TRMT2B: variants seen among roughly 807,000 people sequenced by gnomAD.
TRMT2B encodes tRNA (uracil-5-)-methyltransferase homolog B.
Under a neutral mutation model 39.7 loss-of-function variants are expected in TRMT2B, and 34 were observed. The observed-to-expected ratio is 0.86, with a 90% CI of 0.65 to 1.14. TRMT2B has a LOEUF of 1.14. TRMT2B is among the 50% of genes most tolerant of loss of function. TRMT2B has a pLI of 0.00. For missense variants in TRMT2B, 318 were observed against 377.2 expected, an observed-to-expected ratio of 0.84 and a Z score of 1.30; for synonymous variants, 132 against 137.3, an observed-to-expected ratio of 0.96 and a Z score of 0.27.
chrX:101,039,262 G>C (rs1441842659), intron 4 of TRMT2B, among the ~76,000 whole-genome samples: 1 of 109,755 alleles, frequency 9.1e-6, no homozygotes. Flanking sequence ...AGTAGAGATG[G>C]GGTTTCACCA....
chrX:100,990,445 G>A, the TRMT2B span: 614 of 982,491 alleles, frequency 6.2e-4, no homozygotes, highest in Middle Eastern at 3.5e-3. Flanking sequence ...GAACTATCAG[G>A]ACTACCCGGT....
At chrX:101,022,180 A>C in intron 8 of TRMT2B, 118 bp from the exon 9 acceptor site, 1 of 495,986 alleles carries the variant, frequency 2.0e-6, no homozygotes, top group South Asian at 3.2e-5. Flanking sequence ...CACAAATCTT[A>C]TTATAAATAA....
In TRMT2B at chrX:101,011,238, A is replaced by C. The variant is rs985524200; in HGVS notation, c.1389-531T>G. ...AAATATCTAGATGACAGAGCCTACT[A>C]CACATCTAGGCTCTATGCTATAGCC... On this transcript the variant is annotated intron_variant, in intron 13 of 13. Coordinates refer to ENST00000372936, the MANE Select transcript of TRMT2B (RefSeq NM_024917.6). Among the ~76,000 whole-genome samples the C allele has an allele frequency of 3.6e-5, 4 of 111,754 alleles. No homozygotes were observed. In the Admixed American group the frequency reaches 3.8e-4, roughly 11 times the overall value.
chrX:101,024,538 A>T (rs2086963989), intron 7 of TRMT2B, among the ~76,000 whole-genome samples: 3 of 111,093 alleles, frequency 2.7e-5, no homozygotes, highest in Non-Finnish European at 5.7e-5. Flanking sequence ...AATAAAAAAA[A>T]TTAGGCCGGG....
At chrX:101,037,656 C>T (rs945301460) in intron 5 of TRMT2B, 1 of 280,937 alleles carries the variant, frequency 3.6e-6, no homozygotes, top group African/African-American at 2.7e-5. Context: ...ATCAGATAGA[C>T]CTGAGCGTGA....
At chrX:101,031,764 A>G (rs1287551421) in intron 7 of TRMT2B, among the ~76,000 whole-genome samples, 1 of 111,417 alleles carries the variant, frequency 9.0e-6, no homozygotes, top group East Asian at 2.8e-4. Context: ...ATTACTAAAA[A>G]AGAACAGAAT....
At chrX:101,044,839 CAAAAAAAA>C (rs753968399) in intron 2 of TRMT2B, among the ~76,000 whole-genome samples, 2 of 31,050 alleles carry the variant, frequency 6.4e-5, no homozygotes, top group African/African-American at 1.2e-4. Flanking sequence ...AACTCGGTCT[CAAAAAAAA>C]AAAAAAAAAA....
the TRMT2B span, among the ~76,000 whole-genome samples, chrX:100,985,506 A>G: frequency 9.0e-6 from 1 of 111,559 alleles, no homozygotes; most frequent in East Asian, 2.8e-4. Flanking sequence ...TGATCTAACT[A>G]TATTTCCCTA....
At chrX:101,044,880 A>G (rs2088525902) in intron 2 of TRMT2B, among the ~76,000 whole-genome samples, 1 of 107,444 alleles carries the variant, frequency 9.3e-6, no homozygotes, top group Admixed American at 1.0e-4. Flanking sequence ...AAATACAAAA[A>G]TTAGCCAGGC....
chrX:101,039,763 A>G (rs763250787), intron 4 of TRMT2B, among the ~76,000 whole-genome samples: 1 of 109,789 alleles, frequency 9.1e-6, no homozygotes, highest in East Asian at 2.9e-4. Context: ...AGCCAGGCAT[A>G]GTGGTACACG....
chrX:101,018,838 T>A (rs2086656490), intron 13 of TRMT2B, 133 bp downstream of exon 13: 2 of 510,458 alleles, frequency 3.9e-6, no homozygotes, highest in East Asian at 3.4e-5. Context: ...TTAAAGGTGG[T>A]ATTTTTTTTG....
chrX:101,049,780 T>C (rs1238742226), intron 2 of TRMT2B, among the ~76,000 whole-genome samples: 1 of 25,014 alleles, frequency 4.0e-5, no homozygotes, highest in Non-Finnish European at 6.8e-5. Context: ...AGAGACTCCT[T>C]CTCAAAAAAA....
At chrX:101,018,937 G>T in intron 13 of TRMT2B, 34 bp downstream of exon 13, 1 of 1,000,518 alleles carries the variant, frequency 1.0e-6, no homozygotes, top group Non-Finnish European at 1.4e-6. Context: ...TTGATAATCA[G>T]AACAAAAAAT....
intron 2 of TRMT2B, among the ~76,000 whole-genome samples, chrX:101,046,038 C>T (rs2088640521): frequency 9.8e-6 from 1 of 102,197 alleles, no homozygotes; most frequent in African/African-American, 3.6e-5. Context: ...CCCAGCTACT[C>T]GGGAGGCTGA....
chrX:101,044,589 G>A (rs1306036377), intron 2 of TRMT2B, among the ~76,000 whole-genome samples: 1 of 111,458 alleles, frequency 9.0e-6, no homozygotes, highest in African/African-American at 3.3e-5. Flanking sequence ...CGGGCGCAGT[G>A]GCTCATGCCT....
At chrX:101,004,343 A>C in the TRMT2B span, among the ~76,000 whole-genome samples, 1 of 110,714 alleles carries the variant, frequency 9.0e-6, no homozygotes, top group Non-Finnish European at 1.9e-5. Flanking sequence ...ACACAGAAAA[A>C]AAAAACCATA....
chrX:101,050,175 G>A (rs1221236988), intron 2 of TRMT2B, among the ~76,000 whole-genome samples: 1 of 112,079 alleles, frequency 8.9e-6, no homozygotes, highest in Non-Finnish European at 1.9e-5. Context: ...TACCCCAGCA[G>A]GAGGGTCCTT....
At chrX:101,042,863 T>C (rs2088326029) in intron 2 of TRMT2B, among the ~76,000 whole-genome samples, 1 of 111,319 alleles carries the variant, frequency 9.0e-6, no homozygotes, top group African/African-American at 3.3e-5. Context: ...TGCAGTGGCA[T>C]GATCATGGCT....
At chrX:101,048,816 T>C (rs2088862592) in intron 2 of TRMT2B, among the ~76,000 whole-genome samples, 1 of 112,550 alleles carries the variant, frequency 8.9e-6, no homozygotes, top group Non-Finnish European at 1.9e-5. Context: ...TTAAGTGCTA[T>C]GAATCTCAGT....
Sources: gnomAD v4.1 joint callset for allele counts (sites outside exome capture counted in the v4.1 genomes callset) on GRCh38, gnomAD v4.1.1 for gene constraint, MANE v1.5 for transcripts, NCBI Gene and HGNC (gene_info 2026-07-23, HGNC 2026-07-21) for gene names.